The following SULF2 variants were observed in gnomAD, a reference collection of about 807,000 sequenced individuals.
SULF2 encodes extracellular sulfatase Sulf-2.
SULF2 carries 52 observed loss-of-function variants against 107.7 expected under a neutral mutation model. The observed-to-expected ratio is 0.48, with a 90% confidence interval of 0.39 to 0.61. The LOEUF (loss-of-function observed/expected upper bound fraction) is 0.61. Ranked by LOEUF, SULF2 falls within the 20% of genes least tolerant of loss-of-function variation. The probability of loss-of-function intolerance (pLI) is 0.00; values close to 1 mark genes in which losing one functional copy is unlikely to be tolerated. For synonymous variants in SULF2, 460 were observed against 464.3 expected (o/e 0.99, Z 0.12); for missense variants, 993 against 1,177.3 (o/e 0.84, Z 2.29).
Position 47,657,463 on chromosome 20 carries a change from T to C in SULF2, c.*899A>G, listed in dbSNP as rs1185857286. 2 of 152,202 alleles carry C rather than the reference T, an allele frequency of 1.3e-5. No individual in the cohort carries two copies. The highest frequency in any genetic ancestry group is 4.8e-5 in the African/African-American group (2 of 41,452). 9.4% of individuals were successfully genotyped at this position (152,202 alleles called of 1,614,324 possible). Reference sequence around the variant, plus strand: ...GGTTCTTCATACCAACTGCTGGTCATTGGCTGGGGTTTTGAACACTGTATG... The same window carrying C: ...GGTTCTTCATACCAACTGCTGGTCACTGGCTGGGGTTTTGAACACTGTATG... On this transcript the variant is annotated 3_prime_UTR_variant, in exon 21 of 21. Coordinates refer to ENST00000688720, the MANE Select transcript of SULF2 (RefSeq NM_001387048.1).
At chr20:47,776,977 CA>C (rs1347817570) in intron 1 of SULF2, among the ~76,000 whole-genome samples, 1 of 151,700 alleles carries the variant, frequency 6.6e-6, no homozygotes, top group East Asian at 1.9e-4. Flanking sequence ...TTCCTTCATT[CA>C]AAAAAAAATT....
chr20:47,677,258 G>A, intron 8 of SULF2, 124 bp from the exon 9 acceptor site: 1 of 1,009,486 alleles, frequency 9.9e-7, no homozygotes, highest in East Asian at 2.5e-5. Flanking sequence ...GACAGCAATT[G>A]TGGTGAGTGT....
chr20:47,709,380 T>C (rs1205777564), intron 3 of SULF2, among the ~76,000 whole-genome samples: 1 of 152,230 alleles, frequency 6.6e-6, no homozygotes, highest in Non-Finnish European at 1.5e-5. Context: ...AGGGCTGGCA[T>C]CTGCTGAAAG....
chr20:47,756,063 GATGA>G (rs1429226802), intron 2 of SULF2, among the ~76,000 whole-genome samples: 1 of 152,198 alleles, frequency 6.6e-6, no homozygotes. Context: ...ACATCTGCTG[GATGA>G]ATGAACAAAC....
At position 47,658,298 on chromosome 20, in the gene SULF2, T is replaced by A; in HGVS notation, c.*64A>T. The A allele has an allele frequency of 1.3e-6, 2 of 1,575,086 alleles. No homozygotes were observed. Among genetic ancestry groups the A allele is most frequent in the Non-Finnish European group, 8.7e-7 (1 of 1,144,432 alleles). Reference sequence around the variant, plus strand: ...GGTCTGCTGGAAATCACCCACATGGTTTTTCATTGCCTGTGCAGTCAGGTG... The same window carrying A: ...GGTCTGCTGGAAATCACCCACATGGATTTTCATTGCCTGTGCAGTCAGGTG... On this transcript the variant is annotated 3_prime_UTR_variant, in exon 21 of 21. Transcript: ENST00000688720.
At chr20:47,700,829 G>A (rs1246192703) in intron 4 of SULF2, among the ~76,000 whole-genome samples, 2 of 151,878 alleles carry the variant, frequency 1.3e-5, no homozygotes, top group Admixed American at 6.6e-5. Context: ...TATTCTTAGT[G>A]GAGACGGGGT....
chr20:47,742,722 A>G (rs1337182369), intron 2 of SULF2, among the ~76,000 whole-genome samples: 1 of 152,142 alleles, frequency 6.6e-6, no homozygotes. Context: ...TTAAGGTGTG[A>G]GTTATATATA....
At chr20:47,679,913 TCA>T (rs2087769241) in intron 7 of SULF2, among the ~76,000 whole-genome samples, 1 of 151,980 alleles carries the variant, frequency 6.6e-6, no homozygotes, top group Non-Finnish European at 1.5e-5. Flanking sequence ...TGAAGACTTA[TCA>T]CCATCTCATA....
intron 1 of SULF2, among the ~76,000 whole-genome samples, chr20:47,766,082 G>A (rs2090522832): frequency 6.6e-6 from 1 of 152,202 alleles, no homozygotes; most frequent in Admixed American, 6.5e-5. Context: ...AGCAGGCAGA[G>A]GAAACAGAGA....
intron 1 of SULF2, among the ~76,000 whole-genome samples, chr20:47,778,936 C>G (rs770945196): frequency 1.3e-5 from 2 of 152,198 alleles, no homozygotes; most frequent in Admixed American, 6.5e-5. Context: ...GCCGATAACT[C>G]CCAAACTTAG....
intron 4 of SULF2, among the ~76,000 whole-genome samples, chr20:47,696,108 G>A (rs756684955): frequency 4.6e-5 from 7 of 152,144 alleles, no homozygotes; most frequent in African/African-American, 7.2e-5. Flanking sequence ...GCCTGGGTTC[G>A]AATTCTGCTT....
chr20:47,667,465 A>G (rs2087313837), intron 11 of SULF2, among the ~76,000 whole-genome samples: 1 of 152,208 alleles, frequency 6.6e-6, no homozygotes, highest in African/African-American at 2.4e-5. Flanking sequence ...ACATTAAAGA[A>G]AAAGGGGAGG....
At chr20:47,715,990 C>T (rs2089108160) in intron 3 of SULF2, among the ~76,000 whole-genome samples, 1 of 152,174 alleles carries the variant, frequency 6.6e-6, no homozygotes, top group Non-Finnish European at 1.5e-5. Flanking sequence ...GTTTGGCTGG[C>T]TGAACTTGGA....
In SULF2 at chr20:47,742,927, A is replaced by ATTTTTTTTTTTTTTTTTTTTTTTT. The variant is rs397837137; in HGVS notation, c.176-6009_176-5986dup. Among the ~76,000 whole-genome samples the ATTTTTTTTTTTTTTTTTTTTTTTT allele has an allele frequency of 3.0e-5, 3 of 99,452 alleles. 1 individual carries two copies. Among genetic ancestry groups the ATTTTTTTTTTTTTTTTTTTTTTTT allele is most frequent in the Non-Finnish European group, 3.9e-5 (2 of 50,786 alleles). 65.2% of individuals were successfully genotyped at this position (99,452 alleles called of 152,430 possible). ...AGGGAGTTTCAGGATTCAAAACATG[A>ATTTTTTTTTTTTTTTTTTTTTTTT]TTTTTTTTTTTTTTTTTTTTTTTTT... On this transcript the variant is annotated intron_variant, in intron 2 of 20. Transcript: ENST00000688720.
At chr20:47,710,004 C>T (rs556824905) in intron 3 of SULF2, among the ~76,000 whole-genome samples, 6 of 151,596 alleles carry the variant, frequency 4.0e-5, no homozygotes, top group Admixed American at 2.6e-4. Context: ...TGAGTTCAAG[C>T]GATTCTCCCG....
chr20:47,705,913 C>T (rs1056145742), intron 3 of SULF2, among the ~76,000 whole-genome samples: 14 of 151,808 alleles, frequency 9.2e-5, no homozygotes, highest in Admixed American at 5.2e-4. Context: ...ATTCTCCTGC[C>T]TCAGCATCCC....
intron 3 of SULF2, among the ~76,000 whole-genome samples, chr20:47,714,025 C>T (rs923858472): frequency 4.5e-4 from 69 of 152,104 alleles, no homozygotes; most frequent in Non-Finnish European, 2.6e-4. Context: ...GGCTGGAGCG[C>T]GGAGCCGAGC....
intron 1 of SULF2, among the ~76,000 whole-genome samples, chr20:47,780,577 T>C (rs1000974105): frequency 2.0e-5 from 3 of 151,612 alleles, no homozygotes; most frequent in Non-Finnish European, 4.4e-5. Flanking sequence ...TTTTTGAGAC[T>C]GAGTCTCACT....
At chr20:47,707,800 G>C (rs777866292) in intron 3 of SULF2, among the ~76,000 whole-genome samples, 1 of 152,104 alleles carries the variant, frequency 6.6e-6, no homozygotes, top group Non-Finnish European at 1.5e-5. Flanking sequence ...ACCAGATCTC[G>C]CTCTTATTAC....
Sources: allele counts gnomAD v4.1 joint callset (sites outside exome capture counted in the v4.1 genomes callset), GRCh38; gene constraint gnomAD v4.1.1; transcripts MANE v1.5; gene names NCBI Gene and HGNC (gene_info 2026-07-23, HGNC 2026-07-21).